Variants in APLP1 observed in about 807,000 individuals in gnomAD.
APLP1 encodes amyloid beta precursor like protein 1.
In APLP1, 46 loss-of-function variants were observed where a neutral mutation model predicts 84.5. The observed-to-expected ratio is 0.54, with a 90% CI of 0.43 to 0.70. APLP1 has a LOEUF of 0.70. Among genes scored for constraint, APLP1 ranks in the 30% least tolerant of loss-of-function variants. The pLI is 0.00. For synonymous variants in APLP1, 376 were observed against 364.0 expected (o/e 1.03, Z -0.38); for missense variants, 826 against 900.2 (o/e 0.92, Z 1.05).
chr19:35,877,108 G>A (rs757859453), intron 11 of APLP1, among the ~76,000 whole-genome samples: 21 of 152,148 alleles, frequency 1.4e-4, no homozygotes, highest in Admixed American at 3.9e-4. Flanking sequence ...TATGCATACC[G>A]GAAAGTGTGA....
chr19:35,873,942 T>C (rs1480324134), intron 8 of APLP1, among the ~76,000 whole-genome samples: 3 of 152,210 alleles, frequency 2.0e-5, no homozygotes, highest in African/African-American at 7.2e-5. Flanking sequence ...CAGACTTGAC[T>C]TGCCTCTCAG....
At chr19:35,871,506 G>T in intron 4 of APLP1, 106 bp from the exon 5 acceptor site, 1 of 1,474,106 alleles carries the variant, frequency 6.8e-7, no homozygotes, top group Non-Finnish European at 9.4e-7. Flanking sequence ...TCTAGAAGCA[G>T]GAATCCAGGC....
chr19:35,872,516 A>G lies in APLP1; in HGVS notation c.884A>G (p.Asp295Gly). 6.2e-7 allele frequency: 1 copy of G among 1,613,742 alleles called. No homozygotes were observed. The highest frequency in any genetic ancestry group is 8.5e-7 in the Non-Finnish European group (1 of 1,179,884). The change falls in exon 7 of 17, where the codon GAT (aspartate) becomes GGT (glycine). Residue 295 changes from aspartate to glycine, a missense_variant. Physicochemically the swap from Asp to Gly is moderately conservative, Grantham distance 94. Transcript: ENST00000221891. ...TPTPRPTDGV[D>G]IYFGMPGEIS... is the part of the protein sequence containing the mutation. ...ACCCCGAGGCCCACAGACGGTGTGG[A>G]TATTTACTTTGGCATGCCTGGGGAA... is the stretch of plus-strand genomic sequence containing the variant.
rs761199364 is a variant in APLP1 at position 35,877,825 on chromosome 19, G to T, written c.1552G>T (p.Ala518Ser). Residue 518 changes from alanine (A) to serine (S), a missense_variant and splice_region_variant, in exon 12 of 17, where the codon GCA becomes TCA. Physicochemically the swap from Ala to Ser is moderately conservative, Grantham distance 99. This residue lies in a region of APLP1 where 433 missense variants were observed against 496.5 expected (regional missense o/e 0.87). Coordinates refer to ENST00000221891, the MANE Select transcript of APLP1 (RefSeq NM_001024807.3). Reference protein sequence around the residue: ...GGLQPPDSKDADTPMTLPKGS... With the variant: ...GGLQPPDSKDSDTPMTLPKGS... ...GCTGCAGCCTCCAGATTCCAAGGAT[G>T]GTGAGTGAGCCCACATATAGATGAC... is the stretch of plus-strand genomic sequence containing the variant. The T allele has an allele frequency of 1.2e-6, 2 of 1,608,028 alleles. No homozygotes were observed. The highest frequency in any genetic ancestry group is 8.5e-7 in the Non-Finnish European group (1 of 1,177,450).
Position 35,876,610 on chromosome 19 carries a change from C to G in APLP1, c.1438C>G (p.Gln480Glu). 1 of 1,611,028 alleles carries G rather than the reference C, an allele frequency of 6.2e-7. No individual in the cohort carries two copies. Among genetic ancestry groups the G allele is most frequent in the Non-Finnish European group, 8.5e-7 (1 of 1,178,364 alleles). Residue 480 changes from glutamine to glutamate, a missense_variant, in exon 11 of 17, where the codon CAA becomes GAA. Physicochemically the swap from Gln to Glu is conservative, Grantham distance 29. This residue lies in a region of APLP1 where 433 missense variants were observed against 496.5 expected (regional missense o/e 0.87). Coordinates refer to ENST00000221891, the MANE Select transcript of APLP1 (RefSeq NM_001024807.3). ...NPHLAQELRP[Q>E]IQELLHSEHL... ...CCACCTGGCTCAGGAGCTGCGGCCCCAAATCCGTGAGTGTCTATTACCCTG... is the reference window on the plus strand; with the variant it reads ...CCACCTGGCTCAGGAGCTGCGGCCCGAAATCCGTGAGTGTCTATTACCCTG...
intron 10 of APLP1, among the ~76,000 whole-genome samples, chr19:35,875,328 A>ATT (rs35284323): frequency 0.099 from 13,202 of 133,074 alleles, 1,322 homozygotes; most frequent in African/African-American, 0.26. Flanking sequence ...CACTGGGCTA[A>ATT]TTTTTTTTTT....
At chr19:35,871,830 C>T (rs770104059) in intron 5 of APLP1, 28 bp from the exon 6 acceptor site, 18 of 1,612,930 alleles carry the variant, frequency 1.1e-5, no homozygotes, top group Non-Finnish European at 1.5e-5. Flanking sequence ...TGGGTTCTTA[C>T]TGCCTGGGTC....
chr19:35,879,507 A>C lies in APLP1; in HGVS notation c.*66A>C. 7 of 1,390,700 alleles carry C rather than the reference A, an allele frequency of 5.0e-6. No individual in the cohort carries two copies. The highest frequency in any genetic ancestry group is 1.4e-5 in the African/African-American group (1 of 70,402). 86.1% of individuals were successfully genotyped at this position (1,390,700 alleles called of 1,614,324 possible). ...CTCTTCCTGGAGCCCCAGAACCCCAACTCCCAGCCTAGGGCAGCAGGGAGT... is the reference window on the plus strand; with the variant it reads ...CTCTTCCTGGAGCCCCAGAACCCCACCTCCCAGCCTAGGGCAGCAGGGAGT... On this transcript the variant is annotated 3_prime_UTR_variant, in exon 17 of 17. Coordinates refer to ENST00000221891, the MANE Select transcript of APLP1 (RefSeq NM_001024807.3).
intron 2 of APLP1, chr19:35,870,148 G>T: frequency 3.1e-6 from 1 of 326,684 alleles, no homozygotes; most frequent in Middle Eastern, 8.5e-4. Context: ...CCCAATGAGA[G>T]CGCGGAGAGC....
Position 35,873,245 on chromosome 19 carries a change from C to CTTTTTTTTTTTTTTT in APLP1, c.982-389_982-375dup, listed in dbSNP as rs74172771. Among the ~76,000 whole-genome samples the CTTTTTTTTTTTTTTT allele has an allele frequency of 7.8e-4, 98 of 125,826 alleles. 1 individual carries two copies. Among genetic ancestry groups the CTTTTTTTTTTTTTTT allele is most frequent in the African/African-American group, 2.7e-3 (94 of 34,184 alleles). The allele number at this position is 125,826 out of a possible 152,430, so 82.5% of individuals were successfully genotyped here. Reference sequence around the variant, plus strand: ...CTTAAGGGATCTGGGGCCTTTAAATCTTTTTTTTTTTTTTTTTTTGAGACA... The same window carrying CTTTTTTTTTTTTTTT: ...CTTAAGGGATCTGGGGCCTTTAAATCTTTTTTTTTTTTTTTTTTTTTTTTTTTTTTTTTTGAGACA... On this transcript the variant is annotated intron_variant, in intron 7 of 16. Transcript: ENST00000221891.
chr19:35,874,026 T>C lies in APLP1; in HGVS notation c.1056+313T>C, dbSNP rs904105906. Among the ~76,000 whole-genome samples, 3 of 152,194 alleles carry C rather than the reference T, an allele frequency of 2.0e-5. No individual in the cohort carries two copies. The highest frequency in any genetic ancestry group is 1.3e-4 in the Admixed American group (2 of 15,272). On this transcript the variant is annotated intron_variant, in intron 8 of 16. Transcript: ENST00000221891. The surrounding 1 kb of genome is among the most constrained non-coding windows in gnomAD (Gnocchi z 6.4). ...CAGGGCCTTCTTGGTCTCTCTTTGA[T>C]GCATTTATGTCTCTATCAGGCCCCG...
chr19:35,873,885 C>T (rs1401149832), intron 8 of APLP1, among the ~76,000 whole-genome samples, 172 bp downstream of exon 8: 1 of 152,186 alleles, frequency 6.6e-6, no homozygotes, highest in Non-Finnish European at 1.5e-5. Flanking sequence ...CGTCATCTGA[C>T]CTGACACTGC....
chr19:35,878,121 C>T lies in APLP1; in HGVS notation c.1579+13C>T, dbSNP rs761074611. The T allele has an allele frequency of 1.7e-5, 28 of 1,611,216 alleles. No homozygotes were observed. Among genetic ancestry groups the T allele is most frequent in the East Asian group, 2.2e-5 (1 of 44,764 alleles). On this transcript the variant is annotated intron_variant, in intron 13 of 16. Coordinates refer to ENST00000221891, the MANE Select transcript of APLP1 (RefSeq NM_001024807.3). ...ACCCTTCCAAAAGGTGAGTGTCTCA[C>T]AGTTAACCCCAGCCTCCAAATCCCA...
rs370458499 is a variant in APLP1, at chr19:35,871,189, G to A, written c.425-48G>A. On this transcript the variant is annotated intron_variant, in intron 3 of 16. Coordinates refer to ENST00000221891, the MANE Select transcript of APLP1 (RefSeq NM_001024807.3). The stretch of plus-strand genomic sequence containing the variant: ...ATATCTGGATTCTGAGGAGGGTGGG[G>A]TTGGTGGCTATAGGAGGATCTCACC... 2.1e-5 allele frequency: 34 copies of A among 1,582,790 alleles called. No individual in the cohort carries two copies. In the African/African-American group the frequency reaches 3.1e-4, roughly 14 times the overall value.
intron 12 of APLP1, 25 bp from the exon 13 acceptor site, chr19:35,878,057 C>T (rs2146914832): frequency 1.2e-6 from 2 of 1,611,106 alleles, no homozygotes; most frequent in Non-Finnish European, 8.5e-7. Flanking sequence ...CACTGTTCCA[C>T]TCCCTTGCTT....
chr19:35,873,829 A>C, intron 8 of APLP1, 116 bp downstream of exon 8: 101 of 933,940 alleles, frequency 1.1e-4, no homozygotes, highest in Middle Eastern at 2.7e-4. Context: ...CACCTATCTC[A>C]GCCTTTCCTG....
intron 12 of APLP1, 91 bp from the exon 13 acceptor site, chr19:35,877,991 T>A (rs1196722479): frequency 2.1e-6 from 3 of 1,453,848 alleles, no homozygotes; most frequent in Non-Finnish European, 2.8e-6. Context: ...CAATCCTCCT[T>A]CTTAGTCCCT....
rs1054963511 is a variant in APLP1, at chr19:35,879,346, G to A, written c.1861G>A (p.Asp621Asn). The A allele has an allele frequency of 8.7e-6, 14 of 1,613,798 alleles. No homozygotes were observed. Among genetic ancestry groups the A allele is most frequent in the Non-Finnish European group, 1.1e-5 (13 of 1,179,986 alleles). Reference sequence around the variant, plus strand: ...TTCCCTCCCCTGCTCGTTGCAGGTGGACCCCATGCTGACCCTGGAGGAGCA... The same window carrying A: ...TTCCCTCCCCTGCTCGTTGCAGGTGAACCCCATGCTGACCCTGGAGGAGCA... ...GAISHGVVEV[D>N]PMLTLEEQQL... Residue 621 changes from aspartate to asparagine, a missense_variant, in exon 17 of 17, where the codon GAC (aspartate) becomes AAC (asparagine). This residue lies in a region of APLP1 where 433 missense variants were observed against 496.5 expected (regional missense o/e 0.87). Transcript: ENST00000221891.
In APLP1 at chr19:35,874,830, C is replaced by T. The variant is rs759312559; in HGVS notation, c.1305C>T (p.Ala435=). ...CGCTGCGCCACTACCAGCATGTGGC[C>T]GCCGTGGATCCCGAGAAGGCACAGC... ...RHTLRHYQHV[A]AVDPEKAQQM... Residue 435 remains alanine (A), a synonymous_variant, in exon 10 of 17, where the codon GCC becomes GCT. Transcript: ENST00000221891. This position sits in a 1 kb window ranked among gnomAD's most constrained non-coding sequence, Gnocchi z 6.4. The T allele has an allele frequency of 4.7e-5, 75 of 1,611,488 alleles. No homozygotes were observed. Among genetic ancestry groups the T allele is most frequent in the Admixed American group, 2.2e-4 (13 of 59,998 alleles).
Sources: allele counts gnomAD v4.1 joint callset (sites outside exome capture counted in the v4.1 genomes callset), GRCh38; gene constraint gnomAD v4.1.1; regional missense constraint gnomAD v4.1.1; non-coding constraint Gnocchi (gnomAD v3.1); transcripts MANE v1.5; gene names NCBI Gene and HGNC (gene_info 2026-07-23, HGNC 2026-07-21).